FRAS1: variants seen among roughly 807,000 people sequenced by gnomAD.
FRAS1 encodes Fraser extracellular matrix complex subunit 1.
A neutral mutation model predicts 435.2 loss-of-function variants in FRAS1; 290 were observed. The observed-to-expected ratio is 0.67, with a 90% CI of 0.61 to 0.73. FRAS1 has a LOEUF of 0.73. Among genes scored for constraint, FRAS1 ranks in the 30% least tolerant of loss-of-function variants. The pLI, the probability that FRAS1 is intolerant of heterozygous loss-of-function variation, is 0.00. For synonymous variants in FRAS1, 1,800 were observed against 1,851.0 expected, an observed-to-expected ratio of 0.97 and a Z score of 0.71; for missense variants, 4,860 against 5,001.5, an observed-to-expected ratio of 0.97 and a Z score of 0.85.
intron 2 of FRAS1, among the ~76,000 whole-genome samples, chr4:78,161,463 A>C (rs1721133516): frequency 1.3e-5 from 2 of 151,722 alleles, no homozygotes; most frequent in Admixed American, 1.3e-4. Context: ...TCATTATAGC[A>C]CCTCCCTTGG....
chr4:78,287,092 T>TA (rs1727643946), intron 14 of FRAS1, among the ~76,000 whole-genome samples: 1 of 152,102 alleles, frequency 6.6e-6, no homozygotes, highest in African/African-American at 2.4e-5. Flanking sequence ...TCAGGAAACT[T>TA]ACAATCATGG....
chr4:78,065,894 A>G (rs2109849385), intron 1 of FRAS1, 91 bp from the exon 2 acceptor site: 1 of 916,200 alleles, frequency 1.1e-6, no homozygotes, highest in African/African-American at 1.7e-5. Context: ...TATGATGCAT[A>G]TAGATGCAGT....
At chr4:78,259,655 G>A (rs1265935427) in intron 6 of FRAS1, among the ~76,000 whole-genome samples, 1 of 148,520 alleles carries the variant, frequency 6.7e-6, no homozygotes, top group African/African-American at 2.5e-5. Context: ...CATTTTGTAG[G>A]TTGCCTGTTC....
intron 14 of FRAS1, among the ~76,000 whole-genome samples, chr4:78,294,469 T>C (rs1728053381): frequency 6.6e-6 from 1 of 152,194 alleles, no homozygotes; most frequent in Non-Finnish European, 1.5e-5. Context: ...GGATTATACC[T>C]ATGTTGTCGA....
At chr4:78,396,998 T>C (rs1054716792) in intron 29 of FRAS1, among the ~76,000 whole-genome samples, 4 of 152,340 alleles carry the variant, frequency 2.6e-5, no homozygotes, top group African/African-American at 9.6e-5. Flanking sequence ...TTCTTTAAGA[T>C]GATTATTTTG....
chr4:78,457,641 C>G (rs1719244454), intron 47 of FRAS1, among the ~76,000 whole-genome samples: 1 of 152,168 alleles, frequency 6.6e-6, no homozygotes, highest in Non-Finnish European at 1.5e-5. Flanking sequence ...ACCGACGTAC[C>G]CACGAAAGTG....
intron 2 of FRAS1, among the ~76,000 whole-genome samples, chr4:78,112,690 C>G (rs574354312): frequency 1.3e-5 from 2 of 151,996 alleles, no homozygotes; most frequent in East Asian, 1.9e-4. Flanking sequence ...CCAAAACAAT[C>G]AAATGTCTAT....
At chr4:78,243,107 G>A (rs1476679291) in intron 3 of FRAS1, among the ~76,000 whole-genome samples, 5 of 152,156 alleles carry the variant, frequency 3.3e-5, no homozygotes, top group African/African-American at 4.8e-5. Context: ...ACGGCATTAC[G>A]TGGTAAGGTT....
At chr4:78,468,497 T>C (rs1496600) in intron 50 of FRAS1, among the ~76,000 whole-genome samples, 22,669 of 151,962 alleles carry the variant, frequency 0.15, 2,036 homozygotes, top group Non-Finnish European at 0.22. Flanking sequence ...ATCATCATCA[T>C]CATCATCATC....
At chr4:78,384,731 C>T (rs947924827) in intron 28 of FRAS1, among the ~76,000 whole-genome samples, 7 of 135,486 alleles carry the variant, frequency 5.2e-5, no homozygotes, top group East Asian at 2.1e-4. Flanking sequence ...CCGTCTATAC[C>T]GAAACAAAAA....
intron 30 of FRAS1, among the ~76,000 whole-genome samples, chr4:78,402,502 G>A (rs936534274): frequency 2.0e-5 from 3 of 152,042 alleles, no homozygotes; most frequent in East Asian, 3.9e-4. Flanking sequence ...AGGTTTCTTC[G>A]AGAAGTTAGG....
chr4:78,100,045 T>C (rs1360274750), intron 2 of FRAS1, among the ~76,000 whole-genome samples: 1 of 152,218 alleles, frequency 6.6e-6, no homozygotes, highest in African/African-American at 2.4e-5. Context: ...CTTATGTTCT[T>C]TAACAAATGA....
intron 4 of FRAS1, among the ~76,000 whole-genome samples, chr4:78,249,301 C>T (rs1282541108): frequency 7.3e-6 from 1 of 136,608 alleles, no homozygotes; most frequent in Non-Finnish European, 1.6e-5. Context: ...TCTTCTGTGG[C>T]TTTGACATCA....
At chr4:78,286,000 T>C (rs1270835812) in intron 13 of FRAS1, among the ~76,000 whole-genome samples, 1 of 152,214 alleles carries the variant, frequency 6.6e-6, no homozygotes, top group African/African-American at 2.4e-5. Flanking sequence ...GAGATCTTCT[T>C]GCTAAAAGTT....
At chr4:78,210,024 C>T (rs992952962) in intron 2 of FRAS1, among the ~76,000 whole-genome samples, 1 of 152,158 alleles carries the variant, frequency 6.6e-6, no homozygotes, top group Non-Finnish European at 1.5e-5. Context: ...CCAGCCTCTG[C>T]TGAGCTCCTT....
Position 78,482,430 on chromosome 4 carries a change from A to T in FRAS1, c.8647A>T (p.Ile2883Phe), listed in dbSNP as rs1018181427. The change falls in exon 58 of 74, where the codon ATT (isoleucine) becomes TTT (phenylalanine). Residue 2883 changes from isoleucine (I) to phenylalanine (F), a missense_variant. Coordinates refer to ENST00000512123, the MANE Select transcript of FRAS1 (RefSeq NM_025074.7). ...TILDDTQYPVIEGLETFVVFL... is the reference protein window; with the variant it reads ...TILDDTQYPVFEGLETFVVFL... Reference sequence around the variant, plus strand: ...CTTGGATGACACTCAGTATCCGGTAATTGAAGGACTGGAGACATTTGTGGT... The same window carrying T: ...CTTGGATGACACTCAGTATCCGGTATTTGAAGGACTGGAGACATTTGTGGT... 11 of 1,613,764 alleles carry T rather than the reference A, an allele frequency of 6.8e-6. No homozygotes were observed. Among genetic ancestry groups the T allele is most frequent in the Non-Finnish European group, 7.6e-6 (9 of 1,179,828 alleles).
At chr4:78,474,734 TC>T (rs1164596861) in intron 53 of FRAS1, among the ~76,000 whole-genome samples, 1 of 152,138 alleles carries the variant, frequency 6.6e-6, no homozygotes, top group Non-Finnish European at 1.5e-5. Context: ...TGCACCCAGG[TC>T]TAGGGGCCAT....
At chr4:78,492,006 A>G (rs1182650642) in intron 59 of FRAS1, among the ~76,000 whole-genome samples, 3 of 152,098 alleles carry the variant, frequency 2.0e-5, no homozygotes, top group Admixed American at 6.6e-5. Context: ...CTATACAACT[A>G]TAATAAACAG....
intron 73 of FRAS1, among the ~76,000 whole-genome samples, chr4:78,540,092 A>G (rs1722001975): frequency 6.6e-6 from 1 of 152,228 alleles, no homozygotes; most frequent in South Asian, 2.1e-4. Flanking sequence ...GTATATGTTT[A>G]GTGAATATTT....
Sources: gnomAD v4.1 joint callset for allele counts (sites outside exome capture counted in the v4.1 genomes callset) on GRCh38, gnomAD v4.1.1 for gene constraint, MANE v1.5 for transcripts, NCBI Gene and HGNC (gene_info 2026-07-23, HGNC 2026-07-21) for gene names.